The following COBL variants were observed in gnomAD, a reference collection of about 807,000 sequenced individuals.
The protein encoded by COBL is protein cordon-bleu.
COBL carries 51 observed loss-of-function variants against 98.8 expected under a neutral mutation model. That is an observed-to-expected ratio of 0.52 (90% CI 0.41 to 0.65). The LOEUF (loss-of-function observed/expected upper bound fraction) is 0.65. COBL is among the 30% of genes least tolerant of loss of function. The pLI is 0.00. For missense variants in COBL, 1,617 were observed against 1,617.5 expected (o/e 1.00, Z 0.01); for synonymous variants, 634 against 651.7 (o/e 0.97, Z 0.41).
intron 6 of COBL, among the ~76,000 whole-genome samples, chr7:51,085,574 CTCA>C (rs1794158240): frequency 6.6e-6 from 1 of 152,276 alleles, no homozygotes; most frequent in South Asian, 2.1e-4. Context: ...GAGCAGGGAG[CTCA>C]TATTTTCTAG....
chr7:51,219,678 C>G, intron 2 of COBL, 63 bp downstream of exon 2: 1 of 1,532,508 alleles, frequency 6.5e-7, no homozygotes, highest in Non-Finnish European at 8.9e-7. Flanking sequence ...ATCCGCCTTT[C>G]CATTCTCCCC....
At chr7:51,118,175 T>C (rs1282480758) in intron 6 of COBL, among the ~76,000 whole-genome samples, 1 of 152,194 alleles carries the variant, frequency 6.6e-6, no homozygotes, top group African/African-American at 2.4e-5. Flanking sequence ...TTACATATAA[T>C]CTATTGACTA....
Position 51,028,651 on chromosome 7 carries a change from C to T in COBL, c.2445G>A (p.Ser815=), listed in dbSNP as rs563438174. The change falls in exon 10 of 13, where the codon TCG becomes TCA. Residue 815 remains serine, a synonymous_variant. Coordinates refer to ENST00000265136, the MANE Select transcript of COBL (RefSeq NM_015198.5). The part of the protein sequence containing the change: ...SRLQADPKPI[S]PQQKSAHHEG... ...CATGGTGGGCAGACTTCTGCTGGGG[C>T]GATATTGGCTTGGGGTCTGCTTGGA... The T allele has an allele frequency of 4.1e-5, 66 of 1,612,720 alleles. No individual in the cohort carries two copies. The East Asian group carries it at 8.2e-4, about 20-fold the overall frequency.
intron 1 of COBL, among the ~76,000 whole-genome samples, chr7:51,253,691 A>T (rs1348809618): frequency 6.6e-6 from 1 of 152,256 alleles, no homozygotes; most frequent in Admixed American, 6.5e-5. Flanking sequence ...CCTACAAAAT[A>T]ATTTAAGAAT....
intron 1 of COBL, among the ~76,000 whole-genome samples, chr7:51,257,373 C>G (rs966153325): frequency 6.6e-6 from 1 of 152,156 alleles, no homozygotes; most frequent in African/African-American, 2.4e-5. Flanking sequence ...ATATGCCATT[C>G]TTCTGGTTTG....
chr7:51,073,705 A>G (rs1329921488), intron 7 of COBL, among the ~76,000 whole-genome samples: 1 of 152,158 alleles, frequency 6.6e-6, no homozygotes, highest in African/African-American at 2.4e-5. Flanking sequence ...GGTCCTTACA[A>G]GCCGAGACAC....
intron 1 of COBL, among the ~76,000 whole-genome samples, chr7:51,306,864 T>C (rs1802521572): frequency 6.6e-6 from 1 of 152,140 alleles, no homozygotes; most frequent in Non-Finnish European, 1.5e-5. Flanking sequence ...GCTGAGACAC[T>C]CCAGGGCTTC....
At chr7:51,021,063 C>T (rs1588233474) in intron 12 of COBL, 1 of 152,210 alleles carries the variant, frequency 6.6e-6, no homozygotes, top group Non-Finnish European at 1.5e-5. Flanking sequence ...GGAGGCTGCA[C>T]TGCTAAGGGG....
chr7:51,045,533 C>T (rs2128891464), intron 7 of COBL, among the ~76,000 whole-genome samples: 1 of 152,306 alleles, frequency 6.6e-6, no homozygotes, highest in South Asian at 2.1e-4. Flanking sequence ...AGGGGCCACA[C>T]AAATGCTGGT....
chr7:51,179,353 T>C (rs942882478), intron 5 of COBL, among the ~76,000 whole-genome samples: 5 of 151,940 alleles, frequency 3.3e-5, no homozygotes, highest in African/African-American at 1.2e-4. Flanking sequence ...TTTTGTATTT[T>C]AGTATTTTGT....
intron 1 of COBL, among the ~76,000 whole-genome samples, chr7:51,307,226 G>A (rs1272849663): frequency 6.6e-6 from 1 of 152,186 alleles, no homozygotes; most frequent in Non-Finnish European, 1.5e-5. Flanking sequence ...GTGCAGGCCT[G>A]TGATCCCAGC....
intron 7 of COBL, among the ~76,000 whole-genome samples, chr7:51,059,599 A>G (rs1791113903): frequency 8.1e-6 from 1 of 123,838 alleles, no homozygotes; most frequent in Non-Finnish European, 1.6e-5. Flanking sequence ...AGGGAGTCCC[A>G]GGAAGCCTTG....
chr7:51,183,329 TCTTA>T (rs1343265606), intron 5 of COBL, among the ~76,000 whole-genome samples: 10 of 152,218 alleles, frequency 6.6e-5, no homozygotes. Context: ...TCTTTTTTAG[TCTTA>T]CTTATTAGTA....
intron 5 of COBL, among the ~76,000 whole-genome samples, chr7:51,169,730 G>C (rs931020658): frequency 6.6e-6 from 1 of 152,104 alleles, no homozygotes; most frequent in African/African-American, 2.4e-5. Context: ...GATGGTTAAT[G>C]GGTACAAAAA....
chr7:51,101,146 T>C (rs1795771176), intron 6 of COBL, among the ~76,000 whole-genome samples: 1 of 152,210 alleles, frequency 6.6e-6, no homozygotes, highest in South Asian at 2.1e-4. Context: ...TTGAATACCA[T>C]GTATTTCCCA....
intron 5 of COBL, among the ~76,000 whole-genome samples, chr7:51,141,700 CCACACTGGCTTTTCTT>C (rs1418926186): frequency 1.3e-5 from 2 of 151,312 alleles, no homozygotes; most frequent in Non-Finnish European, 2.9e-5. Context: ...AACCTGTTAT[CCACACTGGCTTTTCTT>C]CAGATACAGG....
chr7:51,033,112 C>A (rs1588276188), intron 8 of COBL: 1 of 151,878 alleles, frequency 6.6e-6, no homozygotes, highest in East Asian at 1.9e-4. Flanking sequence ...TACCATTTTG[C>A]AAAATAGCAA....
At chr7:51,120,382 G>A (rs1471550705) in intron 6 of COBL, among the ~76,000 whole-genome samples, 2 of 152,084 alleles carry the variant, frequency 1.3e-5, no homozygotes, top group South Asian at 2.1e-4. Flanking sequence ...AAGGCATTTG[G>A]AGAAACTATA....
At chr7:51,230,109 C>G (rs960437370) in intron 1 of COBL, among the ~76,000 whole-genome samples, 1 of 152,170 alleles carries the variant, frequency 6.6e-6, no homozygotes, top group Admixed American at 6.5e-5. Flanking sequence ...CAGGCCAGCA[C>G]AGCCCTGAGA....
Sources: allele counts gnomAD v4.1 joint callset (sites outside exome capture counted in the v4.1 genomes callset), GRCh38; gene constraint gnomAD v4.1.1; transcripts MANE v1.5; gene names NCBI Gene and HGNC (gene_info 2026-07-23, HGNC 2026-07-21).